ERC2: variants seen among roughly 807,000 people sequenced by gnomAD.
ERC2 encodes the protein ELKS/RAB6-interacting/CAST family member 2, also known as ERC protein 2.
A neutral mutation model predicts 114.8 loss-of-function variants in ERC2; 42 were observed. The ratio of observed to expected loss-of-function variants is 0.37; its 90% confidence interval spans 0.29 to 0.47. The LOEUF is 0.47. ERC2 is among the 20% of genes least tolerant of loss of function. The pLI is 0.99. For synonymous variants in ERC2, 454 were observed against 425.5 expected (o/e 1.07, Z -0.82); for missense variants, 939 against 1,150.7 (o/e 0.82, Z 2.66).
chr3:55,868,892 T>C (rs2149277763), intron 14 of ERC2, among the ~76,000 whole-genome samples: 1 of 152,308 alleles, frequency 6.6e-6, no homozygotes, highest in Admixed American at 6.5e-5. Flanking sequence ...TTAGTTGTAT[T>C]AAAAAGCTTA....
chr3:56,151,814 G>A (rs954211383), intron 4 of ERC2, among the ~76,000 whole-genome samples: 1 of 152,048 alleles, frequency 6.6e-6, no homozygotes, highest in African/African-American at 2.4e-5. Flanking sequence ...TCAGAAACTC[G>A]ACGCGCTAAT....
intron 7 of ERC2, among the ~76,000 whole-genome samples, chr3:56,062,864 C>T (rs574670166): frequency 1.4e-4 from 21 of 152,272 alleles, no homozygotes; most frequent in African/African-American, 4.3e-4. Flanking sequence ...ATCTTACCTT[C>T]TCAACAGACG....
At chr3:56,215,287 G>C (rs544994913) in intron 3 of ERC2, among the ~76,000 whole-genome samples, 1 of 152,242 alleles carries the variant, frequency 6.6e-6, no homozygotes, top group South Asian at 2.1e-4. Context: ...AAAATAAAGG[G>C]ATGGAGGAAG....
chr3:56,205,670 G>C (rs1014802203), intron 3 of ERC2, among the ~76,000 whole-genome samples: 3 of 152,146 alleles, frequency 2.0e-5, no homozygotes, highest in Non-Finnish European at 4.4e-5. Context: ...AAAACCAGAT[G>C]CAACAGATGC....
chr3:56,461,938 C>CACAG (rs2063336011), intron 1 of ERC2, among the ~76,000 whole-genome samples: 1 of 152,128 alleles, frequency 6.6e-6, no homozygotes, highest in African/African-American at 2.4e-5. Flanking sequence ...AAAAAGGAGA[C>CACAG]ACAGACAGTT....
At position 55,610,080 on chromosome 3, in the gene ERC2, A is replaced by AAC. The variant is rs2058835326; in HGVS notation, c.*39+73713_*39+73714insGT. 2.0e-5 allele frequency among the ~76,000 whole-genome samples: 3 copies of AAC among 151,826 alleles called. No homozygotes were observed. In the South Asian group the frequency reaches 6.3e-4, roughly 32 times the overall value. On this transcript the variant is annotated intron_variant, in intron 17 of 17. Coordinates refer to ENST00000288221, the MANE Select transcript of ERC2 (RefSeq NM_015576.3). ...AAACACAAACAAAAAAAAAAAAAAA[A>AAC]AAAACAAGAATTCCTCTAATTTAAG...
At chr3:55,752,557 T>C (rs1178561528) in intron 14 of ERC2, among the ~76,000 whole-genome samples, 1 of 152,220 alleles carries the variant, frequency 6.6e-6, no homozygotes, top group African/African-American at 2.4e-5. Flanking sequence ...AGGAAATACA[T>C]AGCTAACACA....
chr3:55,809,283 T>A (rs2059624266), intron 14 of ERC2, among the ~76,000 whole-genome samples: 1 of 152,174 alleles, frequency 6.6e-6, no homozygotes, highest in Admixed American at 6.5e-5. Flanking sequence ...ATTTAGGGTA[T>A]CTATCACCTG....
intron 2 of ERC2, among the ~76,000 whole-genome samples, chr3:56,368,667 T>G (rs1352895697): frequency 6.6e-6 from 1 of 152,176 alleles, no homozygotes; most frequent in Non-Finnish European, 1.5e-5. Flanking sequence ...TCTCGAATTC[T>G]AGTAGTTCTG....
chr3:55,960,113 T>G (rs1352844833), intron 12 of ERC2, among the ~76,000 whole-genome samples: 1 of 152,230 alleles, frequency 6.6e-6, no homozygotes, highest in Non-Finnish European at 1.5e-5. Context: ...GTCTCCCTGC[T>G]TCCACTCTTG....
chr3:56,045,568 A>G (rs2075413540), intron 7 of ERC2, among the ~76,000 whole-genome samples: 1 of 152,214 alleles, frequency 6.6e-6, no homozygotes, highest in South Asian at 2.1e-4. Context: ...ATTCTGACGA[A>G]AGCCACGGTG....
intron 3 of ERC2, among the ~76,000 whole-genome samples, chr3:56,293,185 T>C (rs987778078): frequency 1.3e-5 from 2 of 152,252 alleles, no homozygotes; most frequent in Non-Finnish European, 2.9e-5. Context: ...TCATGATGCC[T>C]GACACATAAG....
intron 3 of ERC2, among the ~76,000 whole-genome samples, chr3:56,230,119 G>A (rs964207260): frequency 1.3e-5 from 2 of 151,920 alleles, no homozygotes; most frequent in African/African-American, 4.8e-5. Context: ...GCCAGCCTCG[G>A]CCTCCCAAAG....
At chr3:56,373,430 T>C (rs2150595157) in intron 2 of ERC2, among the ~76,000 whole-genome samples, 1 of 152,308 alleles carries the variant, frequency 6.6e-6, no homozygotes, top group Non-Finnish European at 1.5e-5. Context: ...TTAGGATGTG[T>C]TACTTCCTAA....
At chr3:55,936,749 A>AT (rs138866686) in intron 13 of ERC2, among the ~76,000 whole-genome samples, 2,629 of 152,304 alleles carry the variant, frequency 0.017, 31 homozygotes, top group Middle Eastern at 0.041. Flanking sequence ...GCCAGGGCCA[A>AT]TGGCACAGGG....
At position 55,808,699 on chromosome 3, in the gene ERC2, TTTTATATA is replaced by T. The variant is rs1348633711; in HGVS notation, c.2565-73789_2565-73782del. ...AAAATAATATATTATTATACCATAA[TTTTATATA>T]TATATATATATATATATATATATAT... On this transcript the variant is annotated intron_variant, in intron 14 of 17. Coordinates refer to ENST00000288221, the MANE Select transcript of ERC2 (RefSeq NM_015576.3). 1.3e-4 allele frequency among the ~76,000 whole-genome samples: 8 copies of T among 60,910 alleles called. No individual in the cohort carries two copies. The East Asian group carries it at 2.2e-3, about 17-fold the overall frequency. 40.0% of individuals were successfully genotyped at this position (60,910 alleles called of 152,430 possible).
intron 2 of ERC2, among the ~76,000 whole-genome samples, chr3:56,391,672 T>G (rs1395356064): frequency 3.9e-5 from 6 of 152,146 alleles, no homozygotes; most frequent in African/African-American, 1.2e-4. Flanking sequence ...AAAATGAGTT[T>G]TAATTATAGA....
At chr3:56,054,394 G>A (rs2075909319) in intron 7 of ERC2, among the ~76,000 whole-genome samples, 1 of 152,176 alleles carries the variant, frequency 6.6e-6, no homozygotes, top group African/African-American at 2.4e-5. Flanking sequence ...ACCCAATTTT[G>A]AGATAACATA....
chr3:56,196,604 C>T (rs1215197310), intron 3 of ERC2, among the ~76,000 whole-genome samples: 1 of 151,470 alleles, frequency 6.6e-6, no homozygotes, highest in Non-Finnish European at 1.5e-5. Context: ...TCAACCTGTC[C>T]ACAAAGACAC....
Sources: gnomAD v4.1 joint callset for allele counts (sites outside exome capture counted in the v4.1 genomes callset) on GRCh38, gnomAD v4.1.1 for gene constraint, MANE v1.5 for transcripts, NCBI Gene and HGNC (gene_info 2026-07-23, HGNC 2026-07-21) for gene names.